The following AP3S1 variants were observed in gnomAD, a reference collection of about 807,000 sequenced individuals.
The protein encoded by AP3S1 is AP-3 complex subunit sigma-1.
A neutral mutation model predicts 21.3 loss-of-function variants in AP3S1; 12 were observed. The ratio of observed to expected loss-of-function variants is 0.56; its 90% confidence interval spans 0.36 to 0.91. The LOEUF (loss-of-function observed/expected upper bound fraction) is 0.91, where lower values mean the gene tolerates loss of function less well. AP3S1 is among the 40% of genes least tolerant of loss of function. The probability of loss-of-function intolerance (pLI) is 0.01; values close to 1 mark genes in which losing one functional copy is unlikely to be tolerated. For missense variants in AP3S1, 116 were observed against 225.0 expected (o/e 0.52, Z 3.10); for synonymous variants, 48 against 78.4 (o/e 0.61, Z 2.05).
At chr5:115,882,885 A>C (rs914958707) in intron 3 of AP3S1, among the ~76,000 whole-genome samples, 8 of 152,278 alleles carry the variant, frequency 5.3e-5, no homozygotes, top group African/African-American at 1.9e-4. Context: ...CCTTTCTTTC[A>C]GAGATGCCCT....
chr5:115,909,345 A>G (rs1751915819), intron 5 of AP3S1, among the ~76,000 whole-genome samples: 1 of 152,186 alleles, frequency 6.6e-6, no homozygotes, highest in South Asian at 2.1e-4. Flanking sequence ...TCCATCCATT[A>G]CTATCTTTGT....
In AP3S1 at chr5:115,900,210, T is replaced by G. The variant is rs140367050; in HGVS notation, c.346-2675T>G. Among the ~76,000 whole-genome samples the G allele has an allele frequency of 2.5e-3, 378 of 152,330 alleles. 1 individual carries two copies. Among genetic ancestry groups the G allele is most frequent in the African/African-American group, 8.9e-3 (369 of 41,584 alleles). ...ATAAATTCTAGAGTATTTTTCTTTA[T>G]AGTTACCAATTTTCATAACTGGTTG... On this transcript the variant is annotated intron_variant, in intron 4 of 5. Transcript: ENST00000316788.
At chr5:115,905,381 C>T (rs1751560819) in intron 5 of AP3S1, among the ~76,000 whole-genome samples, 3 of 152,108 alleles carry the variant, frequency 2.0e-5, no homozygotes, top group Admixed American at 6.5e-5. Flanking sequence ...CTGGTGATTA[C>T]TTCTATTATT....
chr5:115,907,009 C>G, intron 5 of AP3S1: 1 of 1,239,384 alleles, frequency 8.1e-7, no homozygotes, highest in Non-Finnish European at 1.0e-6. Flanking sequence ...CTAGTTTCTC[C>G]TTGTAGTTTC....
chr5:115,850,551 A>G (rs1284312269), intron 1 of AP3S1, among the ~76,000 whole-genome samples: 1 of 152,122 alleles, frequency 6.6e-6, no homozygotes, highest in East Asian at 1.9e-4. Context: ...GGCAAACACC[A>G]TTCTACTTTG....
chr5:115,876,150 T>A (rs1014486638), intron 3 of AP3S1, among the ~76,000 whole-genome samples: 3 of 152,198 alleles, frequency 2.0e-5, no homozygotes, highest in Admixed American at 1.3e-4. Context: ...CTTAACCTCA[T>A]CTGTCCCCAG....
intron 5 of AP3S1, among the ~76,000 whole-genome samples, chr5:115,910,228 C>A (rs1361373005): frequency 6.7e-6 from 1 of 149,218 alleles, no homozygotes; most frequent in Admixed American, 6.7e-5. Context: ...TTGCATCACT[C>A]ACTCCACTGT....
chr5:115,860,419 T>C (rs2112808008), intron 1 of AP3S1, among the ~76,000 whole-genome samples: 1 of 152,316 alleles, frequency 6.6e-6, no homozygotes, highest in East Asian at 1.9e-4. Context: ...ACAGTACCCC[T>C]TGCTCTCCGA....
At chr5:115,862,691 T>G (rs1763292511) in intron 1 of AP3S1, among the ~76,000 whole-genome samples, 1 of 152,206 alleles carries the variant, frequency 6.6e-6, no homozygotes, top group Non-Finnish European at 1.5e-5. Context: ...TGGTGAGCAA[T>G]TTGTCTCTCT....
At chr5:115,867,241 C>T (rs1462252973) in intron 2 of AP3S1, among the ~76,000 whole-genome samples, 1 of 152,128 alleles carries the variant, frequency 6.6e-6, no homozygotes, top group Non-Finnish European at 1.5e-5. Context: ...AGAAACACAT[C>T]TAGGACAAGC....
intron 2 of AP3S1, among the ~76,000 whole-genome samples, chr5:115,867,579 T>C (rs990256184): frequency 3.3e-5 from 5 of 152,180 alleles, no homozygotes; most frequent in Non-Finnish European, 7.4e-5. Flanking sequence ...CTTTTTATCA[T>C]GTGGAACACT....
At chr5:115,909,215 A>G (rs1252970217) in intron 5 of AP3S1, among the ~76,000 whole-genome samples, 1 of 152,188 alleles carries the variant, frequency 6.6e-6, no homozygotes, top group Non-Finnish European at 1.5e-5. Flanking sequence ...CATGAGGAAA[A>G]GGGAGCTTTC....
At chr5:115,911,919 A>G (rs998454870) in intron 5 of AP3S1, among the ~76,000 whole-genome samples, 1 of 151,936 alleles carries the variant, frequency 6.6e-6, no homozygotes, top group Admixed American at 6.6e-5. Context: ...AGCCCTATTC[A>G]CTATTTAATT....
intron 1 of AP3S1, among the ~76,000 whole-genome samples, chr5:115,860,132 G>A (rs1236514198): frequency 1.3e-5 from 2 of 152,252 alleles, no homozygotes; most frequent in African/African-American, 4.8e-5. Context: ...CTTGCTCATG[G>A]CTTCCATTCT....
chr5:115,862,306 G>T (rs978175509), intron 1 of AP3S1, among the ~76,000 whole-genome samples: 3 of 151,834 alleles, frequency 2.0e-5, no homozygotes, highest in South Asian at 4.1e-4. Flanking sequence ...CTTGCCAATT[G>T]TGTAGCCTAG....
At chr5:115,892,905 A>C (rs1432967261) in intron 3 of AP3S1, among the ~76,000 whole-genome samples, 3 of 152,204 alleles carry the variant, frequency 2.0e-5, no homozygotes, top group Admixed American at 2.0e-4. Flanking sequence ...GCATGCCTGT[A>C]TCAAAACATC....
At chr5:115,910,838 A>G (rs923599356) in intron 5 of AP3S1, among the ~76,000 whole-genome samples, 1 of 152,186 alleles carries the variant, frequency 6.6e-6, no homozygotes, top group Non-Finnish European at 1.5e-5. Flanking sequence ...TTTAATTAAA[A>G]CTTAAAGCAC....
intron 1 of AP3S1, among the ~76,000 whole-genome samples, chr5:115,851,016 AGT>A (rs1197924429): frequency 6.6e-6 from 1 of 152,196 alleles, no homozygotes; most frequent in Non-Finnish European, 1.5e-5. Flanking sequence ...AGTAGTTTAT[AGT>A]GTGTGGTGCA....
At position 115,847,919 on chromosome 5, in the gene AP3S1, G is replaced by A. The variant is rs868702342; in HGVS notation, c.69+5813G>A. On this transcript the variant is annotated intron_variant, in intron 1 of 5. Coordinates refer to ENST00000316788, the MANE Select transcript of AP3S1 (RefSeq NM_001284.4). ...GTTTTCCTTATATCAAAGTATCCTCGAAAAACCCAAATGCTTATACGTTCA... is the reference window on the plus strand; with the variant it reads ...GTTTTCCTTATATCAAAGTATCCTCAAAAAACCCAAATGCTTATACGTTCA... Among the ~76,000 whole-genome samples the A allele has an allele frequency of 1.1e-4, 17 of 152,160 alleles. No individual in the cohort carries two copies. The South Asian group carries it at 2.1e-3, about 19-fold the overall frequency.
Sources: allele counts gnomAD v4.1 joint callset (sites outside exome capture counted in the v4.1 genomes callset), GRCh38; gene constraint gnomAD v4.1.1; transcripts MANE v1.5; gene names NCBI Gene and HGNC (gene_info 2026-07-23, HGNC 2026-07-21).